The following CCDC141 variants were observed in gnomAD, a reference collection of about 807,000 sequenced individuals.
CCDC141 encodes coiled-coil domain containing 141.
CCDC141 carries 168 observed loss-of-function variants against 181.0 expected under a neutral mutation model. The observed-to-expected ratio is 0.93, with a 90% CI of 0.82 to 1.05. The LOEUF is 1.05. CCDC141 is among the 50% of genes least tolerant of loss of function. The pLI is 0.00. For missense variants in CCDC141, 1,902 were observed against 1,788.5 expected, an observed-to-expected ratio of 1.06 and a Z score of -1.14; for synonymous variants, 666 against 642.3, an observed-to-expected ratio of 1.04 and a Z score of -0.56.
At chr2:178,843,836 T>A (rs1465045095) in intron 22 of CCDC141, among the ~76,000 whole-genome samples, 1 of 152,198 alleles carries the variant, frequency 6.6e-6, no homozygotes, top group African/African-American at 2.4e-5. Context: ...TAAATGTGAT[T>A]GAGCTACTTA....
At chr2:179,026,216 C>T (rs2042839809) in intron 2 of CCDC141, among the ~76,000 whole-genome samples, 1 of 152,232 alleles carries the variant, frequency 6.6e-6, no homozygotes, top group East Asian at 1.9e-4. Context: ...GTCTTCATTG[C>T]AGCCCCTTCC....
At position 178,865,896 on chromosome 2, in the gene CCDC141, T is replaced by G. The variant is rs1428681141; in HGVS notation, c.2595A>C (p.Ala865=). 6.3e-7 allele frequency: 1 copy of G among 1,592,242 alleles called. No homozygotes were observed. The highest frequency in any genetic ancestry group is 2.3e-5 in the East Asian group (1 of 43,814). Residue 865 remains alanine (A), a synonymous_variant, in exon 17 of 24, where the codon GCA becomes GCC. Transcript: ENST00000443758. ...VQRPHCSNVS[A]KNLQQQLELL... is the part of the protein sequence containing the mutation. ...GCTCCAGCTGCTGCTGTAGGTTCTT[T>G]GCAGAAACATTAGAGCAGTGCTAAA...
At chr2:178,841,404 G>A (rs904963496) in intron 22 of CCDC141, among the ~76,000 whole-genome samples, 9 of 151,978 alleles carry the variant, frequency 5.9e-5, no homozygotes, top group Admixed American at 3.3e-4. Context: ...TAATCATCTC[G>A]GGAAGCAAGA....
At chr2:178,867,986 C>T (rs371196312) in intron 16 of CCDC141, 40 bp downstream of exon 16, 2 of 1,524,950 alleles carry the variant, frequency 1.3e-6, no homozygotes, top group Admixed American at 1.7e-5. Context: ...CAAGCCCCAG[C>T]TAGAACTGAG....
chr2:179,016,266 G>T (rs2042538854), intron 2 of CCDC141, among the ~76,000 whole-genome samples: 1 of 151,856 alleles, frequency 6.6e-6, no homozygotes, highest in Non-Finnish European at 1.5e-5. Context: ...GGTTATGGGT[G>T]CACCAAAATC....
chr2:178,826,461 C>A (rs987056202), downstream of CCDC141, among the ~76,000 whole-genome samples: 1 of 152,138 alleles, frequency 6.6e-6, no homozygotes, highest in Admixed American at 6.6e-5. Context: ...AAAAAGAGTT[C>A]TCTCTGCTTC....
intron 2 of CCDC141, among the ~76,000 whole-genome samples, chr2:179,045,987 C>T (rs1482806961): frequency 1.3e-5 from 2 of 152,172 alleles, no homozygotes; most frequent in African/African-American, 2.4e-5. Context: ...TTCTTGGTTT[C>T]ATTTACTCAG....
intron 5 of CCDC141, among the ~76,000 whole-genome samples, chr2:178,946,823 C>T (rs1362005428): frequency 6.6e-6 from 1 of 152,104 alleles, no homozygotes; most frequent in Non-Finnish European, 1.5e-5. Context: ...AATACTATTC[C>T]CTTTAGGAGA....
At chr2:178,836,738 T>G in intron 23 of CCDC141, 156 bp downstream of exon 23, 10 of 736,300 alleles carry the variant, frequency 1.4e-5, no homozygotes, top group African/African-American at 1.8e-5. Flanking sequence ...GCTACTAAAA[T>G]GAGAGGGGTC....
At chr2:179,036,763 T>G (rs751825306) in intron 2 of CCDC141, among the ~76,000 whole-genome samples, 1 of 152,214 alleles carries the variant, frequency 6.6e-6, no homozygotes, top group Non-Finnish European at 1.5e-5. Context: ...AAATGCTCCA[T>G]GCAAAATAAG....
At chr2:178,850,829 G>C (rs567644225) in intron 20 of CCDC141, among the ~76,000 whole-genome samples, 2 of 152,316 alleles carry the variant, frequency 1.3e-5, no homozygotes, top group African/African-American at 4.8e-5. Flanking sequence ...CTGTGCCTAA[G>C]CACTGTATAA....
At chr2:178,983,472 T>G (rs1691546432) in intron 2 of CCDC141, among the ~76,000 whole-genome samples, 1 of 152,054 alleles carries the variant, frequency 6.6e-6, no homozygotes, top group Non-Finnish European at 1.5e-5. Context: ...GGAGAATGAC[T>G]TTGACGAGCT....
chr2:178,849,858 G>A (rs1474534227), intron 21 of CCDC141, among the ~76,000 whole-genome samples, 191 bp downstream of exon 21: 2 of 150,848 alleles, frequency 1.3e-5, no homozygotes, highest in Non-Finnish European at 2.9e-5. Context: ...ATTTTTCTCT[G>A]CAGTGATGGG....
At chr2:178,890,339 G>C (rs1687086529) in intron 8 of CCDC141, among the ~76,000 whole-genome samples, 1 of 152,112 alleles carries the variant, frequency 6.6e-6, no homozygotes, top group South Asian at 2.1e-4. Context: ...ATTCCAGTTA[G>C]GGGCTATTTT....
At chr2:178,880,575 T>C (rs1008782957) in intron 11 of CCDC141, among the ~76,000 whole-genome samples, 1 of 152,108 alleles carries the variant, frequency 6.6e-6, no homozygotes, top group East Asian at 1.9e-4. Flanking sequence ...TGGGAGAGCA[T>C]GGCCTTTGAA....
At chr2:178,843,446 C>T (rs954984918) in intron 22 of CCDC141, among the ~76,000 whole-genome samples, 2 of 152,170 alleles carry the variant, frequency 1.3e-5, no homozygotes, top group Non-Finnish European at 2.9e-5. Context: ...TTCCATTTAA[C>T]CTTAGGAGTT....
chr2:178,853,690 C>T, intron 19 of CCDC141, 66 bp from the exon 20 acceptor site: 1 of 1,364,978 alleles, frequency 7.3e-7, no homozygotes, highest in Non-Finnish European at 1.0e-6. Context: ...TTAATTTTGA[C>T]CAGTGAAGTA....
intron 11 of CCDC141, among the ~76,000 whole-genome samples, chr2:178,881,584 G>A (rs944203223): frequency 3.9e-5 from 6 of 152,160 alleles, no homozygotes; most frequent in South Asian, 2.1e-4. Context: ...TGAAGAGGTC[G>A]CAAGTGGAAG....
chr2:179,024,882 T>C (rs955684143), intron 2 of CCDC141, among the ~76,000 whole-genome samples: 1 of 152,164 alleles, frequency 6.6e-6, no homozygotes, highest in Non-Finnish European at 1.5e-5. Context: ...TTATTCCTCA[T>C]TGTGTTTTAG....
Sources: allele counts gnomAD v4.1 joint callset (sites outside exome capture counted in the v4.1 genomes callset), GRCh38; gene constraint gnomAD v4.1.1; transcripts MANE v1.5; gene names NCBI Gene and HGNC (gene_info 2026-07-23, HGNC 2026-07-21).